Variants in PICALM observed in about 807,000 individuals in gnomAD.
PICALM encodes the protein phosphatidylinositol binding clathrin assembly protein.
A neutral mutation model predicts 80.5 loss-of-function variants in PICALM; 40 were observed. The observed-to-expected ratio is 0.50, with a 90% CI of 0.39 to 0.65. The LOEUF (loss-of-function observed/expected upper bound fraction) is 0.65, where lower values mean the gene tolerates loss of function less well. Ranked by LOEUF, PICALM falls within the 30% of genes least tolerant of loss-of-function variation. The pLI is 0.00. For missense variants in PICALM, 676 were observed against 778.9 expected (o/e 0.87, Z 1.57); for synonymous variants, 288 against 260.3 (o/e 1.11, Z -1.02).
At position 86,022,540 on chromosome 11, in the gene PICALM, T is replaced by A. The variant is rs1281711883; in HGVS notation, c.350-71A>T. On this transcript the variant is annotated intron_variant, in intron 3 of 19. Transcript: ENST00000393346. ...TTTTATAAATGACTAAAAATCCCAA[T>A]ATGCCTAGAAAAACAACTCATTGCA... 4 of 787,572 alleles carry A rather than the reference T, an allele frequency of 5.1e-6. No individual in the cohort carries two copies. In the African/African-American group the frequency reaches 5.4e-5, roughly 11 times the overall value. 48.8% of individuals were successfully genotyped at this position (787,572 alleles called of 1,614,324 possible). A position where few individuals can be genotyped will look rare whatever the true frequency, so the allele number is the denominator to read the frequency against.
intron 1 of PICALM, among the ~76,000 whole-genome samples, chr11:86,066,574 C>G (rs186343009): frequency 2.4e-4 from 37 of 152,200 alleles, no homozygotes; most frequent in Admixed American, 1.4e-3. Context: ...TCTTCTAACC[C>G]TACCTATTTT....
chr11:85,993,852 C>T (rs2094874873), intron 12 of PICALM, among the ~76,000 whole-genome samples: 1 of 152,002 alleles, frequency 6.6e-6, no homozygotes, highest in Admixed American at 6.6e-5. Flanking sequence ...TCCTAAACAA[C>T]TGATACCTAC....
At chr11:85,966,145 T>C (rs551677684) in intron 19 of PICALM, among the ~76,000 whole-genome samples, 5 of 152,136 alleles carry the variant, frequency 3.3e-5, no homozygotes, top group African/African-American at 1.2e-4. Context: ...TTTTAGGGGA[T>C]GCCACACAGT....
At chr11:86,029,146 T>A (rs1304847165) in intron 2 of PICALM, among the ~76,000 whole-genome samples, 1 of 152,070 alleles carries the variant, frequency 6.6e-6, no homozygotes, top group East Asian at 1.9e-4. Context: ...GCCTGTTCTG[T>A]GCATTATTGT....
intron 3 of PICALM, chr11:86,023,590 A>G: frequency 1.0e-6 from 1 of 983,940 alleles, no homozygotes; most frequent in Non-Finnish European, 1.2e-6. Context: ...AGAATTGCTT[A>G]ATTTCCATCT....
chr11:86,064,921 A>C (rs2096421762), intron 1 of PICALM, among the ~76,000 whole-genome samples: 1 of 151,874 alleles, frequency 6.6e-6, no homozygotes, highest in African/African-American at 2.4e-5. Flanking sequence ...CAAAAATAAA[A>C]AGTTTCTTTA....
chr11:86,040,452 C>T (rs1490568362), intron 1 of PICALM, among the ~76,000 whole-genome samples: 1 of 152,134 alleles, frequency 6.6e-6, no homozygotes, highest in African/African-American at 2.4e-5. Context: ...TCCTTCTCCT[C>T]GGCCTCCCAA....
chr11:86,007,559 T>C lies in PICALM; in HGVS notation c.790A>G (p.Ile264Val). Residue 264 changes from isoleucine to valine, a missense_variant, in exon 8 of 20, where the codon ATA becomes GTA. Physicochemically the swap from Ile to Val is conservative, Grantham distance 29 (BLOSUM62 3). Around this residue, in one of 2 missense-constraint regions of PICALM, gnomAD observed 285 missense variants for 395.4 expected, o/e 0.72. Transcript: ENST00000393346. ...AAACTTACCTGTGAAAGGTCTGGTA[T>C]ATCACCTCTGTCAATTCCAACTTGC... ...AEQVGIDRGD[I>V]PDLSQAPSSL... is the part of the protein sequence containing the mutation. The C allele has an allele frequency of 6.6e-7, 1 of 1,504,798 alleles. No individual in the cohort carries two copies. The highest frequency in any genetic ancestry group is 9.2e-7 in the Non-Finnish European group (1 of 1,088,748). 93.2% of individuals were successfully genotyped at this position (1,504,798 alleles called of 1,614,324 possible). A position where few individuals can be genotyped will look rare whatever the true frequency, so the allele number is the denominator to read the frequency against.
At chr11:85,965,000 A>G (rs768380182) in intron 19 of PICALM, among the ~76,000 whole-genome samples, 24 of 152,224 alleles carry the variant, frequency 1.6e-4, no homozygotes, top group Non-Finnish European at 3.4e-4. Flanking sequence ...GAAATATATG[A>G]ATGTATTTTA....
chr11:86,060,054 G>C (rs2096334278), intron 1 of PICALM, among the ~76,000 whole-genome samples: 1 of 152,142 alleles, frequency 6.6e-6, no homozygotes, highest in Non-Finnish European at 1.5e-5. Context: ...TAGGGATTAT[G>C]ATACCACATC....
chr11:86,053,605 T>G (rs548464768), intron 1 of PICALM, among the ~76,000 whole-genome samples: 29 of 152,352 alleles, frequency 1.9e-4, no homozygotes, highest in African/African-American at 6.7e-4. Flanking sequence ...GGTCTCACTG[T>G]CACCAAGGCT....
chr11:86,005,589 C>A (rs1218212849), intron 8 of PICALM, among the ~76,000 whole-genome samples: 3 of 151,982 alleles, frequency 2.0e-5, no homozygotes, highest in Non-Finnish European at 4.4e-5. Flanking sequence ...CCTGTGGTCC[C>A]AGCTACAAAG....
chr11:86,068,587 A>G, intron 1 of PICALM, 64 bp downstream of exon 1: 1 of 1,497,090 alleles, frequency 6.7e-7, no homozygotes, highest in South Asian at 1.2e-5. Context: ...CAAGAGAGAG[A>G]GAGAAGGACG....
rs1439614704 is a variant in PICALM, at chr11:86,068,851, TC to T, written c.-72del. 2.3e-5 allele frequency: 34 copies of T among 1,492,858 alleles called. No homozygotes were observed. Among genetic ancestry groups the T allele is most frequent in the Non-Finnish European group, 2.8e-5 (31 of 1,123,948 alleles). The allele number at this position is 1,492,858 out of a possible 1,614,324, so 92.5% of individuals were successfully genotyped here. A position where few individuals can be genotyped will look rare whatever the true frequency, so the allele number is the denominator to read the frequency against. On this transcript the variant is annotated 5_prime_UTR_variant, in exon 1 of 20. Transcript: ENST00000393346. ...ACTGGGACCCCCAAGAGCCGGAGGG[TC>T]CCCACCCCCCACCGCACCCCCTACC...
chr11:85,989,808 G>T (rs1230992057), intron 13 of PICALM, among the ~76,000 whole-genome samples: 1 of 151,944 alleles, frequency 6.6e-6, no homozygotes, highest in African/African-American at 2.4e-5. Flanking sequence ...AGTTAAAAGA[G>T]AAATAAAATA....
At chr11:86,004,322 C>G (rs2095229176) in intron 8 of PICALM, among the ~76,000 whole-genome samples, 1 of 152,060 alleles carries the variant, frequency 6.6e-6, no homozygotes, top group Admixed American at 6.6e-5. Context: ...AAAGTAAATA[C>G]TTGTATGATT....
intron 17 of PICALM, chr11:85,978,086 A>C: frequency 6.2e-7 from 1 of 1,613,052 alleles, no homozygotes; most frequent in South Asian, 1.1e-5. Flanking sequence ...TGGAAAATGC[A>C]TGCCATTCTG....
chr11:86,062,372 G>A (rs1422437377), intron 1 of PICALM, among the ~76,000 whole-genome samples: 1 of 152,100 alleles, frequency 6.6e-6, no homozygotes, highest in East Asian at 1.9e-4. Flanking sequence ...CAAAAATTTA[G>A]CTGGGCGTGG....
chr11:86,035,708 C>T (rs369413357), intron 1 of PICALM, among the ~76,000 whole-genome samples: 5 of 151,668 alleles, frequency 3.3e-5, no homozygotes, highest in Admixed American at 6.6e-5. Flanking sequence ...TTTCGGAGGC[C>T]GAGGCGGGCG....
Sources: allele counts gnomAD v4.1 joint callset (sites outside exome capture counted in the v4.1 genomes callset), GRCh38; gene constraint gnomAD v4.1.1; regional missense constraint gnomAD v4.1.1; transcripts MANE v1.5; gene names NCBI Gene and HGNC (gene_info 2026-07-23, HGNC 2026-07-21).